The following FGF14 variants were observed in gnomAD, a reference collection of about 807,000 sequenced individuals.
The protein encoded by FGF14 is fibroblast growth factor homologous factor 4.
A neutral mutation model predicts 25.5 loss-of-function variants in FGF14; 5 were observed. That is an observed-to-expected ratio of 0.20 (90% CI 0.10 to 0.41). FGF14 has a LOEUF of 0.41. Ranked by LOEUF, FGF14 falls within the 10% of genes least tolerant of loss-of-function variation. The pLI, the probability that FGF14 is intolerant of heterozygous loss-of-function variation, is 1.00. For synonymous variants in FGF14, 138 were observed against 118.3 expected (o/e 1.17, Z -1.08); for missense variants, 222 against 320.1 (o/e 0.69, Z 2.34).
chr13:102,091,027 A>G (rs2044140806), intron 1 of FGF14, among the ~76,000 whole-genome samples: 1 of 152,190 alleles, frequency 6.6e-6, no homozygotes, highest in Non-Finnish European at 1.5e-5. Context: ...AACTCCCTCT[A>G]AGAATAATCT....
intron 1 of FGF14, among the ~76,000 whole-genome samples, chr13:102,042,006 C>A (rs146984755): frequency 6.6e-6 from 1 of 152,228 alleles, no homozygotes; most frequent in Non-Finnish European, 1.5e-5. Flanking sequence ...TCTCACTATC[C>A]AACACAACAA....
intron 1 of FGF14, among the ~76,000 whole-genome samples, chr13:102,361,047 T>C (rs1304899066): frequency 2.0e-5 from 3 of 152,166 alleles, no homozygotes; most frequent in African/African-American, 7.2e-5. Flanking sequence ...AAAGAGTGCA[T>C]GTTAAGATCT....
At chr13:102,161,654 A>G (rs867087050) in intron 1 of FGF14, among the ~76,000 whole-genome samples, 213 of 14,732 alleles carry the variant, frequency 0.014, 6 homozygotes, top group South Asian at 0.032. Context: ...AAGAAGAAGA[A>G]GAAGAAGAAG....
At position 102,051,022 on chromosome 13, in the gene FGF14, G is replaced by A. The variant is rs185005153; in HGVS notation, c.209-175726C>T. Among the ~76,000 whole-genome samples, 112 of 152,266 alleles carry A rather than the reference G, an allele frequency of 7.4e-4. 1 individual carries two copies. The South Asian group carries it at 0.02, about 27-fold the overall frequency. ...GTTGCTTCAGGAAATTAGCTACCAC[G>A]TCTCCCAAACCACCATTTATCTCAG... On this transcript the variant is annotated intron_variant, in intron 1 of 4. Coordinates refer to the FGF14 transcript ENST00000376131.
chr13:102,098,351 G>A (rs903145054), intron 1 of FGF14, among the ~76,000 whole-genome samples: 1 of 152,108 alleles, frequency 6.6e-6, no homozygotes, highest in African/African-American at 2.4e-5. Flanking sequence ...ATACCTAGAC[G>A]ATCTCTTAAG....
rs533128833 is a variant in FGF14, at chr13:102,059,473, C to A, written c.209-184177G>T. Among the ~76,000 whole-genome samples, 13 of 152,302 alleles carry A rather than the reference C, an allele frequency of 8.5e-5. No homozygotes were observed. In the South Asian group the frequency reaches 2.7e-3, roughly 32 times the overall value. On this transcript the variant is annotated intron_variant, in intron 1 of 4. Transcript: ENST00000376131. ...TAGTTGTATAAAAAGCAACACAGAGCACTCAAAAATAGGCAAGGACTTAGA... is the reference window on the plus strand; with the variant it reads ...TAGTTGTATAAAAAGCAACACAGAGAACTCAAAAATAGGCAAGGACTTAGA...
intron 1 of FGF14, among the ~76,000 whole-genome samples, chr13:102,198,177 C>G (rs2049451166): frequency 1.3e-5 from 2 of 152,124 alleles, no homozygotes; most frequent in African/African-American, 4.8e-5. Flanking sequence ...GTGGCAGCCT[C>G]AAACAGGGAT....
intron 1 of FGF14, among the ~76,000 whole-genome samples, chr13:101,977,927 C>T: frequency 7.1e-6 from 1 of 140,200 alleles, no homozygotes; most frequent in East Asian, 2.3e-4. Flanking sequence ...TGTAAAACAG[C>T]CATTTCTCAA....
At chr13:102,127,215 A>G (rs1422174690) in intron 1 of FGF14, among the ~76,000 whole-genome samples, 2 of 152,206 alleles carry the variant, frequency 1.3e-5, no homozygotes, top group Non-Finnish European at 2.9e-5. Context: ...AGAGAGAAAA[A>G]ACTGGAGACC....
intron 1 of FGF14, among the ~76,000 whole-genome samples, chr13:102,262,879 G>C (rs2052785624): frequency 6.6e-6 from 1 of 152,082 alleles, no homozygotes; most frequent in African/African-American, 2.4e-5. Flanking sequence ...ACTGAACCCA[G>C]CAAACCAATG....
intron 1 of FGF14, among the ~76,000 whole-genome samples, chr13:102,050,787 A>G (rs1256981036): frequency 1.3e-5 from 2 of 152,210 alleles, no homozygotes; most frequent in Non-Finnish European, 2.9e-5. Context: ...GAAAAAAAAC[A>G]TAGAATATTG....
intron 1 of FGF14, among the ~76,000 whole-genome samples, chr13:102,014,792 G>A (rs979082970): frequency 3.9e-5 from 6 of 151,976 alleles, no homozygotes; most frequent in African/African-American, 1.2e-4. Flanking sequence ...TATATTAATC[G>A]CCATGGTTCT....
intron 1 of FGF14, among the ~76,000 whole-genome samples, chr13:102,089,689 G>C (rs1270737414): frequency 6.6e-6 from 1 of 152,160 alleles, no homozygotes; most frequent in African/African-American, 2.4e-5. Context: ...TGTGCCTCAT[G>C]ATATTGACTT....
At chr13:101,844,840 A>C (rs2043366476) in intron 3 of FGF14, among the ~76,000 whole-genome samples, 1 of 152,036 alleles carries the variant, frequency 6.6e-6, no homozygotes, top group Admixed American at 6.6e-5. Flanking sequence ...AGGAGCAAAG[A>C]GTTATGGTGC....
chr13:102,251,667 AGAG>A (rs1478011068), intron 1 of FGF14, among the ~76,000 whole-genome samples: 1 of 152,130 alleles, frequency 6.6e-6, no homozygotes, highest in East Asian at 1.9e-4. Flanking sequence ...CTGCACAATC[AGAG>A]GAGACACCTT....
At chr13:102,242,250 C>A (rs899603935) in intron 1 of FGF14, among the ~76,000 whole-genome samples, 1 of 152,114 alleles carries the variant, frequency 6.6e-6, no homozygotes, top group Non-Finnish European at 1.5e-5. Flanking sequence ...TTAAGTTGCA[C>A]TTAAGGTGTA....
intron 3 of FGF14, chr13:101,868,468 A>G: frequency 2.5e-6 from 1 of 392,384 alleles, no homozygotes; most frequent in South Asian, 2.6e-5. Flanking sequence ...AAAAGATTAG[A>G]TTCACGTGTA....
chr13:102,084,683 G>A (rs1193730692), intron 1 of FGF14, among the ~76,000 whole-genome samples: 1 of 152,088 alleles, frequency 6.6e-6, no homozygotes, highest in African/African-American at 2.4e-5. Flanking sequence ...AGAAGGAAAA[G>A]AATAAAAACC....
intron 1 of FGF14, among the ~76,000 whole-genome samples, chr13:102,360,089 C>T (rs1354868846): frequency 6.6e-6 from 1 of 152,138 alleles, no homozygotes; most frequent in Non-Finnish European, 1.5e-5. Context: ...GGATTCATTA[C>T]TCATTTGCCC....
Sources: gnomAD v4.1 joint callset for allele counts (sites outside exome capture counted in the v4.1 genomes callset) on GRCh38, gnomAD v4.1.1 for gene constraint, MANE v1.5 for transcripts, NCBI Gene and HGNC (gene_info 2026-07-23, HGNC 2026-07-21) for gene names.